Variants in NEMP2 observed in about 807,000 individuals in gnomAD.
NEMP2 encodes the protein UPF0571 transmembrane protein.
A neutral mutation model predicts 54.2 loss-of-function variants in NEMP2; 53 were observed. The ratio of observed to expected loss-of-function variants is 0.98; its 90% confidence interval spans 0.78 to 1.23. The LOEUF is 1.23. Ranked by LOEUF, NEMP2 falls within the 50% of genes most tolerant of loss-of-function variation. The probability of loss-of-function intolerance (pLI) is 0.00; values close to 1 mark genes in which losing one functional copy is unlikely to be tolerated. For missense variants in NEMP2, 455 were observed against 511.3 expected, an observed-to-expected ratio of 0.89 and a Z score of 1.06; for synonymous variants, 197 against 190.3, an observed-to-expected ratio of 1.04 and a Z score of -0.29.
chr2:190,632,831 T>G, the NEMP2 span, among the ~76,000 whole-genome samples: 2 of 152,194 alleles, frequency 1.3e-5, no homozygotes, highest in Non-Finnish European at 2.9e-5. The surrounding 1 kb of genome is among the most constrained non-coding windows in gnomAD (Gnocchi z 4.8). Flanking sequence ...TAATATGTGG[T>G]CATTATAGAA....
the NEMP2 span, among the ~76,000 whole-genome samples, chr2:190,435,504 A>G: frequency 6.6e-6 from 1 of 152,182 alleles, no homozygotes; most frequent in Non-Finnish European, 1.5e-5. Context: ...CTTTCTCATT[A>G]CATTTGTGGT....
At chr2:190,574,566 T>C in the NEMP2 span, among the ~76,000 whole-genome samples, 1 of 152,146 alleles carries the variant, frequency 6.6e-6, no homozygotes, top group Admixed American at 6.5e-5. Flanking sequence ...CAATTGATTA[T>C]AGAATATTTT....
At chr2:190,534,477 C>T in intron 1 of NEMP2, 82 bp downstream of exon 1, 1 of 1,286,830 alleles carries the variant, frequency 7.8e-7, no homozygotes, top group Non-Finnish European at 9.8e-7. Flanking sequence ...GCCGCCCGGG[C>T]CAAAGAGCGC....
At chr2:190,444,337 A>G in the NEMP2 span, among the ~76,000 whole-genome samples, 202 of 152,340 alleles carry the variant, frequency 1.3e-3, 1 homozygote, top group African/African-American at 4.8e-3. Context: ...TCACAGAGGT[A>G]CGAAGATTCC....
the NEMP2 span, chr2:190,611,068 G>A: frequency 6.6e-6 from 1 of 152,252 alleles, no homozygotes; most frequent in African/African-American, 2.4e-5. This position sits in a 1 kb window ranked among gnomAD's most constrained non-coding sequence, Gnocchi z 5.4. Context: ...ACCAAAACAA[G>A]ACAACAATTG....
the NEMP2 span, among the ~76,000 whole-genome samples, chr2:190,438,225 A>AT: frequency 1.1e-4 from 17 of 151,492 alleles, no homozygotes; most frequent in East Asian, 2.1e-3. This position sits in a 1 kb window ranked among gnomAD's most constrained non-coding sequence, Gnocchi z 5.2. Context: ...TAAAAAAAAA[A>AT]ATCTATAGGC....
At chr2:190,624,240 C>T in the NEMP2 span, among the ~76,000 whole-genome samples, 1 of 152,058 alleles carries the variant, frequency 6.6e-6, no homozygotes, top group African/African-American at 2.4e-5. Flanking sequence ...AAAGCAAAAC[C>T]ACAATGAGAT....
At chr2:190,494,015 T>A in the NEMP2 span, among the ~76,000 whole-genome samples, 1 of 148,998 alleles carries the variant, frequency 6.7e-6, no homozygotes, top group Non-Finnish European at 1.5e-5. This position sits in a 1 kb window ranked among gnomAD's most constrained non-coding sequence, Gnocchi z 5.7. Flanking sequence ...GATGAGAGAA[T>A]AACTAAATGA....
At chr2:190,555,147 C>T in the NEMP2 span, among the ~76,000 whole-genome samples, 5 of 152,282 alleles carry the variant, frequency 3.3e-5, no homozygotes, top group South Asian at 1.0e-3. This position sits in a 1 kb window ranked among gnomAD's most constrained non-coding sequence, Gnocchi z 4.8. Context: ...GACATCCACT[C>T]AGAGACCCCA....
chr2:190,496,988 A>C, the NEMP2 span, among the ~76,000 whole-genome samples: 1 of 152,194 alleles, frequency 6.6e-6, no homozygotes, highest in African/African-American at 2.4e-5. This position sits in a 1 kb window ranked among gnomAD's most constrained non-coding sequence, Gnocchi z 4.7. Flanking sequence ...GGTTGCACCA[A>C]AATCTCACAA....
chr2:190,439,813 G>A, the NEMP2 span, among the ~76,000 whole-genome samples: 1 of 152,220 alleles, frequency 6.6e-6, no homozygotes, highest in Non-Finnish European at 1.5e-5. This position sits in a 1 kb window ranked among gnomAD's most constrained non-coding sequence, Gnocchi z 5.8. Flanking sequence ...CCATTAAAAT[G>A]TATTAATTAT....
chr2:190,519,242 G>A lies in NEMP2; in HGVS notation c.214-59C>T. On this transcript the variant is annotated intron_variant, in intron 2 of 8. Coordinates refer to ENST00000409150, the MANE Select transcript of NEMP2 (RefSeq NM_001142645.2). The surrounding 1 kb of genome is among the most constrained non-coding windows in gnomAD (Gnocchi z 5.4). ...AATAACTTCTCTTTTTTGTTTTGGA[G>A]ACAGGGTCTCCCTCTGTTGCCCAGA... The A allele has an allele frequency of 1.6e-6, 2 of 1,231,408 alleles. No individual in the cohort carries two copies. The highest frequency in any genetic ancestry group is 2.8e-5 in the South Asian group (2 of 72,010). 76.3% of individuals were successfully genotyped at this position (1,231,408 alleles called of 1,614,324 possible).
chr2:190,616,238 A>G, the NEMP2 span, among the ~76,000 whole-genome samples: 1 of 152,182 alleles, frequency 6.6e-6, no homozygotes. This position sits in a 1 kb window ranked among gnomAD's most constrained non-coding sequence, Gnocchi z 5.1. Context: ...GCCCAGGGGC[A>G]TGGGCCCAAA....
the NEMP2 span, among the ~76,000 whole-genome samples, chr2:190,595,158 A>G: frequency 1.3e-5 from 2 of 152,206 alleles, no homozygotes; most frequent in Non-Finnish European, 2.9e-5. The surrounding 1 kb of genome is among the most constrained non-coding windows in gnomAD (Gnocchi z 4.0). Context: ...GGGGGAAAGG[A>G]TTCCCTATTT....
rs1308440047 is a variant in NEMP2, at chr2:190,529,164, G to A, written c.98-3786C>T. ...TGCACTCCAGCCTGGGCGACAGAGT[G>A]AGACTCTGTCTCAAAACAAAAACAA... is the stretch of plus-strand genomic sequence containing the variant. On this transcript the variant is annotated intron_variant, in intron 1 of 8. Coordinates refer to ENST00000409150, the MANE Select transcript of NEMP2 (RefSeq NM_001142645.2). The surrounding 1 kb of genome is among the most constrained non-coding windows in gnomAD (Gnocchi z 4.7). 6.6e-6 allele frequency among the ~76,000 whole-genome samples: 1 copy of A among 152,130 alleles called. No individual in the cohort carries two copies. The highest frequency in any genetic ancestry group is 1.9e-4 in the East Asian group (1 of 5,196).
the NEMP2 span, among the ~76,000 whole-genome samples, chr2:190,467,883 C>T: frequency 6.6e-6 from 1 of 152,202 alleles, no homozygotes; most frequent in East Asian, 1.9e-4. The surrounding 1 kb of genome is among the most constrained non-coding windows in gnomAD (Gnocchi z 5.5). Context: ...TGGCTGCTTT[C>T]ATGCTACAGC....
At chr2:190,465,779 G>C in the NEMP2 span, among the ~76,000 whole-genome samples, 1 of 152,064 alleles carries the variant, frequency 6.6e-6, no homozygotes, top group Admixed American at 6.6e-5. The surrounding 1 kb of genome is among the most constrained non-coding windows in gnomAD (Gnocchi z 4.6). Flanking sequence ...GATCACTTTA[G>C]GTTTGGAGTT....
the NEMP2 span, among the ~76,000 whole-genome samples, chr2:190,473,021 C>T: frequency 4.6e-5 from 7 of 152,136 alleles, no homozygotes; most frequent in Non-Finnish European, 1.0e-4. Flanking sequence ...AAATACTTTA[C>T]AGACAAGCAA....
At chr2:190,474,682 G>T in the NEMP2 span, among the ~76,000 whole-genome samples, 9 of 152,184 alleles carry the variant, frequency 5.9e-5, no homozygotes, top group East Asian at 1.3e-3. Flanking sequence ...TTCCAATCAA[G>T]AGAAAAAGAG....
Sources: allele counts gnomAD v4.1 joint callset (sites outside exome capture counted in the v4.1 genomes callset), GRCh38; gene constraint gnomAD v4.1.1; non-coding constraint Gnocchi (gnomAD v3.1); transcripts MANE v1.5; gene names NCBI Gene and HGNC (gene_info 2026-07-23, HGNC 2026-07-21).